ZDHHC3: variants seen among roughly 807,000 people sequenced by gnomAD.
The protein encoded by ZDHHC3 is zDHHC palmitoyltransferase 3.
Under a neutral mutation model 30.6 loss-of-function variants are expected in ZDHHC3, and 9 were observed. That is an observed-to-expected ratio of 0.29 (90% CI 0.18 to 0.51). ZDHHC3 has a LOEUF of 0.51. ZDHHC3 is among the 20% of genes least tolerant of loss of function. The pLI, the probability that ZDHHC3 is intolerant of heterozygous loss-of-function variation, is 0.97. For synonymous variants in ZDHHC3, 136 were observed against 140.2 expected, an observed-to-expected ratio of 0.97 and a Z score of 0.21; for missense variants, 246 against 384.2, an observed-to-expected ratio of 0.64 and a Z score of 3.01.
At chr3:44,965,242 T>C (rs9859685) in intron 1 of ZDHHC3, among the ~76,000 whole-genome samples, 5,926 of 152,206 alleles carry the variant, frequency 0.039, 371 homozygotes, top group African/African-American at 0.13. Flanking sequence ...TCCAGATCCA[T>C]ACATAACACA....
In ZDHHC3 at chr3:44,926,846, C is replaced by T. The variant is rs766519628; in HGVS notation, c.743G>A (p.Gly248Glu). 1 of 1,602,046 alleles carries T rather than the reference C, an allele frequency of 6.2e-7. No individual in the cohort carries two copies. Among genetic ancestry groups the T allele is most frequent in the Non-Finnish European group, 8.5e-7 (1 of 1,174,710 alleles). Residue 248 changes from glycine (G) to glutamate (E), a missense_variant and splice_region_variant, in exon 7 of 7, where the codon GGA becomes GAA. Transcript: ENST00000424952. ...QVHSICTDET[G>E]IEQLKKEERR... Reference sequence around the variant, plus strand: ...CTCTTCCTTTTTCAATTGTTCTATTCCCTGAAAACAAGAACAATCATACTT... The same window carrying T: ...CTCTTCCTTTTTCAATTGTTCTATTTCCTGAAAACAAGAACAATCATACTT...
chr3:44,944,014 T>G (rs1215595617), intron 3 of ZDHHC3, among the ~76,000 whole-genome samples: 1 of 152,176 alleles, frequency 6.6e-6, no homozygotes, highest in Admixed American at 6.5e-5. Flanking sequence ...TCTCACTTTG[T>G]TGCACAGGCT....
intron 1 of ZDHHC3, among the ~76,000 whole-genome samples, chr3:44,962,609 G>T (rs146165631): frequency 1.9e-4 from 29 of 152,238 alleles, no homozygotes; most frequent in African/African-American, 6.7e-4. Context: ...CTTCTGGAAT[G>T]ATTTATTTAG....
At position 44,921,351 on chromosome 3, in the gene ZDHHC3, G is replaced by A. The variant is rs547293327; in HGVS notation, c.*5338C>T. ...GCCTCAGGGAGCAGCCTATGCAAAT[G>A]TGTCTCTTCATAGCGGGCCAGATAA... On this transcript the variant is annotated 3_prime_UTR_variant, in exon 7 of 7. Coordinates refer to ENST00000424952, the MANE Select transcript of ZDHHC3 (RefSeq NM_001135179.2). 5.9e-5 allele frequency: 58 copies of A among 975,072 alleles called. No individual in the cohort carries two copies. In the South Asian group the frequency reaches 2.1e-3, roughly 35 times the overall value. The allele number at this position is 975,072 out of a possible 1,614,324, so 60.4% of individuals were successfully genotyped here.
At position 44,920,470 on chromosome 3, in the gene ZDHHC3, C is replaced by A; in HGVS notation, c.*6219G>T. The A allele has an allele frequency of 8.3e-7, 1 of 1,212,054 alleles. No homozygotes were observed. The highest frequency in any genetic ancestry group is 1.1e-6 in the Non-Finnish European group (1 of 947,652). The allele number at this position is 1,212,054 out of a possible 1,614,324, so 75.1% of individuals were successfully genotyped here. ...CACTGACTTGGACTCAAAGCCATGA[C>A]CATAGGTTTTTATGGCCTCCTTGTG... On this transcript the variant is annotated 3_prime_UTR_variant, in exon 7 of 7. Coordinates refer to ENST00000424952, the MANE Select transcript of ZDHHC3 (RefSeq NM_001135179.2).
At chr3:44,975,772 T>TCACACACACACACACACA (rs1185484134) in intron 1 of ZDHHC3, among the ~76,000 whole-genome samples, 161 bp downstream of exon 1, 83 of 116,704 alleles carry the variant, frequency 7.1e-4, no homozygotes, top group Non-Finnish European at 2.7e-4. Context: ...TCTCTCTCTC[T>TCACACACACACACACACA]CACACACACA....
chr3:44,957,084 T>C (rs1256679110), intron 2 of ZDHHC3, among the ~76,000 whole-genome samples: 1 of 152,180 alleles, frequency 6.6e-6, no homozygotes, highest in Non-Finnish European at 1.5e-5. Flanking sequence ...TGTAGCTTCA[T>C]GCCATTCAGG....
Position 44,926,334 on chromosome 3 carries a change from C to T in ZDHHC3, c.*355G>A. On this transcript the variant is annotated 3_prime_UTR_variant, in exon 7 of 7. Transcript: ENST00000424952. Reference sequence around the variant, plus strand: ...CCACCAGGTGTCCAGACTATTCCATCCACGCACAGCGTCATGTCTCACTCA... The same window carrying T: ...CCACCAGGTGTCCAGACTATTCCATTCACGCACAGCGTCATGTCTCACTCA... The T allele has an allele frequency of 1.0e-6, 1 of 1,004,206 alleles. No individual in the cohort carries two copies. The highest frequency in any genetic ancestry group is 1.7e-5 in the African/African-American group (1 of 58,080). The allele number at this position is 1,004,206 out of a possible 1,614,324, so 62.2% of individuals were successfully genotyped here.
At chr3:44,930,077 T>C (rs189125209) in intron 5 of ZDHHC3, among the ~76,000 whole-genome samples, 2 of 151,910 alleles carry the variant, frequency 1.3e-5, no homozygotes, top group Admixed American at 1.3e-4. Flanking sequence ...GGCCAGGGAG[T>C]CGACCAAAGA....
intron 4 of ZDHHC3, 55 bp from the exon 5 acceptor site, chr3:44,933,254 G>A (rs1466636655): frequency 3.2e-6 from 5 of 1,549,354 alleles, no homozygotes; most frequent in South Asian, 2.2e-5. Context: ...CTGACCTCAC[G>A]GGCTCCCGGG....
At chr3:44,958,587 C>T in intron 2 of ZDHHC3, 1 of 1,536,044 alleles carries the variant, frequency 6.5e-7, no homozygotes, top group African/African-American at 1.4e-5. Flanking sequence ...CAGATATTCA[C>T]CAAGAGGCAC....
At chr3:44,961,379 G>C (rs1704467829) in intron 1 of ZDHHC3, among the ~76,000 whole-genome samples, 1 of 152,178 alleles carries the variant, frequency 6.6e-6, no homozygotes, top group Admixed American at 6.5e-5. Flanking sequence ...GCGACAGTGT[G>C]AGACTCTGTC....
rs865937123 is a variant in ZDHHC3, at chr3:44,915,740, G to A, written c.*10949C>T. 1 of 152,220 alleles carries A rather than the reference G, an allele frequency of 6.6e-6. No homozygotes were observed. The highest frequency in any genetic ancestry group is 1.5e-5 in the Non-Finnish European group (1 of 68,080). The allele number at this position is 152,220 out of a possible 1,614,324, so 9.4% of individuals were successfully genotyped here. On this transcript the variant is annotated 3_prime_UTR_variant, in exon 7 of 7. Transcript: ENST00000424952. ...CCAATGTGCAAGGACATTTCTCAAG[G>A]GCCATGTGGTTTTGCAGACACTGCT...
chr3:44,943,560 A>G (rs1170007281), intron 3 of ZDHHC3, among the ~76,000 whole-genome samples: 3 of 152,134 alleles, frequency 2.0e-5, no homozygotes, highest in Non-Finnish European at 4.4e-5. Context: ...GATCTCTCAC[A>G]CACCCAAATG....
In ZDHHC3 at chr3:44,917,938, TC is replaced by T. The variant is rs1384156633; in HGVS notation, c.*8750del. ...CACAGAGTCCTCGTCCTTTGTCTCC[TC>T]TGATGGATCCTCCATTGTTTCGGTG... On this transcript the variant is annotated 3_prime_UTR_variant, in exon 7 of 7. Coordinates refer to ENST00000424952, the MANE Select transcript of ZDHHC3 (RefSeq NM_001135179.2). 3 of 1,305,212 alleles carry T rather than the reference TC, an allele frequency of 2.3e-6. No individual in the cohort carries two copies. Among genetic ancestry groups the T allele is most frequent in the Non-Finnish European group, 2.0e-6 (2 of 988,968 alleles). The allele number at this position is 1,305,212 out of a possible 1,614,324, so 80.9% of individuals were successfully genotyped here.
chr3:44,948,458 T>C (rs1703142326), intron 2 of ZDHHC3, among the ~76,000 whole-genome samples: 1 of 152,100 alleles, frequency 6.6e-6, no homozygotes. Flanking sequence ...CAGAGACAAG[T>C]CAACCAACAA....
chr3:44,943,074 C>T (rs554902081), intron 3 of ZDHHC3, among the ~76,000 whole-genome samples: 5 of 152,272 alleles, frequency 3.3e-5, no homozygotes, highest in South Asian at 2.1e-4. Flanking sequence ...ACAGAAACCC[C>T]GGAGGAGCTA....
rs1426890768 is a variant in ZDHHC3, at chr3:44,947,506, T to C, written c.307-2214A>G. Among the ~76,000 whole-genome samples the C allele has an allele frequency of 2.6e-5, 4 of 152,194 alleles. No homozygotes were observed. In the East Asian group the frequency reaches 5.8e-4, roughly 22 times the overall value. On this transcript the variant is annotated intron_variant, in intron 2 of 6. Transcript: ENST00000424952. The stretch of plus-strand genomic sequence containing the variant: ...CATCTTATCTAATTCCCAGCATTAC[T>C]GAGAAGGTTAAACTAGACATAGACA...
In ZDHHC3 at chr3:44,918,221, G is replaced by A; in HGVS notation, c.*8468C>T. ...GCTCACATAGACACCCCCAGCTATA[G>A]CATAGCAGTGGCGGGGGGGGGGGCG... On this transcript the variant is annotated 3_prime_UTR_variant, in exon 7 of 7. Transcript: ENST00000424952. The A allele has an allele frequency of 8.5e-7, 1 of 1,173,314 alleles. No homozygotes were observed. The highest frequency in any genetic ancestry group is 1.1e-6 in the Non-Finnish European group (1 of 928,676). The allele number at this position is 1,173,314 out of a possible 1,614,324, so 72.7% of individuals were successfully genotyped here.
Sources: gnomAD v4.1 joint callset for allele counts (sites outside exome capture counted in the v4.1 genomes callset) on GRCh38, gnomAD v4.1.1 for gene constraint, MANE v1.5 for transcripts, NCBI Gene and HGNC (gene_info 2026-07-23, HGNC 2026-07-21) for gene names.